Variants in UBR2 observed in about 807,000 individuals in gnomAD.
UBR2 encodes ubiquitin protein ligase E3 component n-recognin 2.
In UBR2, 92 loss-of-function variants were observed where a neutral mutation model predicts 247.9. That is an observed-to-expected ratio of 0.37 (90% CI 0.31 to 0.44). The LOEUF is 0.44. Among genes scored for constraint, UBR2 ranks in the 20% least tolerant of loss-of-function variants. The probability of loss-of-function intolerance (pLI) is 1.00; values close to 1 mark genes in which losing one functional copy is unlikely to be tolerated. For synonymous variants in UBR2, 672 were observed against 693.5 expected, an observed-to-expected ratio of 0.97 and a Z score of 0.49; for missense variants, 1,613 against 2,112.6, an observed-to-expected ratio of 0.76 and a Z score of 4.64.
At chr6:42,607,143 T>C (rs1203654440) in intron 7 of UBR2, among the ~76,000 whole-genome samples, 1 of 152,000 alleles carries the variant, frequency 6.6e-6, no homozygotes, top group Non-Finnish European at 1.5e-5. Context: ...AACTGAATTT[T>C]ATGTAAATAT....
chr6:42,573,303 A>G (rs1031602546), intron 1 of UBR2, among the ~76,000 whole-genome samples: 5 of 152,194 alleles, frequency 3.3e-5, no homozygotes, highest in African/African-American at 4.8e-5. Flanking sequence ...TTCACCGTAC[A>G]TATTGGCTGT....
At chr6:42,652,166 A>G (rs1797158337) in intron 24 of UBR2, 95 bp downstream of exon 24, 1 of 1,200,886 alleles carries the variant, frequency 8.3e-7, no homozygotes, top group African/African-American at 1.6e-5. Context: ...GGTGGAATGA[A>G]TATTTAAATG....
intron 44 of UBR2, among the ~76,000 whole-genome samples, chr6:42,687,821 G>A (rs180805299): frequency 2.0e-5 from 3 of 152,236 alleles, no homozygotes; most frequent in African/African-American, 4.8e-5. Context: ...GATTACAGGC[G>A]TGAGCCACTG....
intron 1 of UBR2, among the ~76,000 whole-genome samples, chr6:42,568,314 G>T (rs1790902857): frequency 6.6e-6 from 1 of 152,098 alleles, no homozygotes; most frequent in South Asian, 2.1e-4. Context: ...AACTCCTGAG[G>T]TCTAATCAAC....
intron 26 of UBR2, among the ~76,000 whole-genome samples, chr6:42,656,561 T>A (rs763268395): frequency 2.0e-5 from 3 of 152,228 alleles, no homozygotes; most frequent in Non-Finnish European, 4.4e-5. Context: ...TGTTTTTAAA[T>A]GAATTGATGG....
At position 42,606,559 on chromosome 6, in the gene UBR2, T is replaced by C. The variant is rs556615886; in HGVS notation, c.802-30T>C. ...AGTTATTAATATTGAATACAATACT[T>C]TTACAGCTTAATTTTAAATATCTTT... On this transcript the variant is annotated intron_variant, in intron 6 of 46. Transcript: ENST00000372901. 6.0e-5 allele frequency: 95 copies of C among 1,594,898 alleles called. 1 individual carries two copies. The East Asian group carries it at 9.7e-4, about 16-fold the overall frequency.
intron 2 of UBR2, among the ~76,000 whole-genome samples, chr6:42,591,804 A>G (rs1792680386): frequency 6.6e-6 from 1 of 152,230 alleles, no homozygotes. Context: ...GAATCTTAAG[A>G]ATTCATAAAT....
chr6:42,617,130 T>C, intron 10 of UBR2: 1 of 858,336 alleles, frequency 1.2e-6, no homozygotes, highest in Non-Finnish European at 1.9e-6. Context: ...CCAGTTATTG[T>C]TCTCATAGCA....
chr6:42,574,765 G>T lies in UBR2; in HGVS notation c.338+772G>T, dbSNP rs558290391. Among the ~76,000 whole-genome samples, 41 of 150,916 alleles carry T rather than the reference G, an allele frequency of 2.7e-4. No homozygotes were observed. In the South Asian group the frequency reaches 4.8e-3, roughly 18 times the overall value. ...GGCTGGAGTGCAGTGGCGCGATCTC[G>T]GCTCACTGCAACCTCCACCTGCCAG... On this transcript the variant is annotated intron_variant, in intron 2 of 46. Coordinates refer to ENST00000372901, the MANE Select transcript of UBR2 (RefSeq NM_001363705.2).
Position 42,652,560 on chromosome 6 carries a change from A to G in UBR2, c.2684A>G (p.Asp895Gly). Reference sequence around the variant, plus strand: ...AGCCTGGTTAACATTTTGCAGTCAGATGTCATGTTGTGCATCATGGGAACA... The same window carrying G: ...AGCCTGGTTAACATTTTGCAGTCAGGTGTCATGTTGTGCATCATGGGAACA... ...FASLVNILQS[D>G]VMLCIMGTIL... is the part of the protein sequence containing the mutation. The change falls in exon 25 of 47, where the codon GAT (aspartate) becomes GGT (glycine). Residue 895 changes from aspartate (D) to glycine (G), a missense_variant. Transcript: ENST00000372901. The G allele has an allele frequency of 3.1e-6, 5 of 1,613,684 alleles. No homozygotes were observed. The highest frequency in any genetic ancestry group is 4.2e-6 in the Non-Finnish European group (5 of 1,179,962).
chr6:42,588,946 T>C (rs1364100928), intron 2 of UBR2, among the ~76,000 whole-genome samples: 1 of 152,206 alleles, frequency 6.6e-6, no homozygotes, highest in African/African-American at 2.4e-5. Flanking sequence ...AATATTCCTC[T>C]TCTGCTGAGA....
chr6:42,613,475 ACT>A lies in UBR2; in HGVS notation c.985+1187_985+1188del, dbSNP rs1794221227. On this transcript the variant is annotated intron_variant, in intron 8 of 46. Coordinates refer to ENST00000372901, the MANE Select transcript of UBR2 (RefSeq NM_001363705.2). The stretch of plus-strand genomic sequence containing the variant: ...GGTGGCCCACTCCTCTAGTCATAAC[ACT>A]CTGGGAGGCTGTGGTGGGACGATCC... Among the ~76,000 whole-genome samples, 6 of 151,954 alleles carry A rather than the reference ACT, an allele frequency of 3.9e-5. No individual in the cohort carries two copies. In the South Asian group the frequency reaches 1.2e-3, roughly 32 times the overall value.
chr6:42,647,515 G>C, intron 21 of UBR2, among the ~76,000 whole-genome samples: 1 of 151,754 alleles, frequency 6.6e-6, no homozygotes. Context: ...AGAATTGCTT[G>C]GACCTGGAAG....
chr6:42,681,795 C>T (rs1159360347), intron 42 of UBR2, among the ~76,000 whole-genome samples: 1 of 152,210 alleles, frequency 6.6e-6, no homozygotes, highest in African/African-American at 2.4e-5. Context: ...CAATATTATA[C>T]ACCCACATTT....
At position 42,658,651 on chromosome 6, in the gene UBR2, A is replaced by G. The variant is rs1226210263; in HGVS notation, c.3069A>G (p.Ser1023=). ...TGAATGGAGCATAATTTCAGAGTTC[A>G]AGGGACAAAGACAAAGCTGAGAGGA... is the stretch of plus-strand genomic sequence containing the variant. ...ETEGTIMEES[S]RDKDKAERKR... Residue 1023 remains serine, a synonymous_variant, in exon 29 of 47, where the codon TCA becomes TCG. Transcript: ENST00000372901. 6.2e-7 allele frequency: 1 copy of G among 1,602,984 alleles called. No homozygotes were observed. Among genetic ancestry groups the G allele is most frequent in the Non-Finnish European group, 8.5e-7 (1 of 1,177,004 alleles).
intron 7 of UBR2, among the ~76,000 whole-genome samples, chr6:42,606,941 T>C (rs541710623): frequency 6.6e-6 from 1 of 152,254 alleles, no homozygotes; most frequent in South Asian, 2.1e-4. Flanking sequence ...AATTTTGTGT[T>C]ACTTCTTAGA....
chr6:42,637,232 C>A (rs765429903), intron 15 of UBR2, 38 bp downstream of exon 15: 27 of 1,580,408 alleles, frequency 1.7e-5, no homozygotes, highest in Non-Finnish European at 2.0e-5. Flanking sequence ...CTAAAATTAT[C>A]TTTTAAATTG....
intron 4 of UBR2, among the ~76,000 whole-genome samples, chr6:42,596,640 T>C (rs1053763150): frequency 3.9e-5 from 6 of 152,166 alleles, no homozygotes; most frequent in Non-Finnish European, 5.9e-5. Flanking sequence ...CAATGGAATA[T>C]TTTTCGTCCA....
Position 42,606,596 on chromosome 6 carries a change from G to A in UBR2, c.809G>A (p.Arg270Lys). 1 of 1,610,390 alleles carries A rather than the reference G, an allele frequency of 6.2e-7. No homozygotes were observed. Among genetic ancestry groups the A allele is most frequent in the Non-Finnish European group, 8.5e-7 (1 of 1,178,588 alleles). ...TTTTAAATATCTTTACAGGGGCGTA[G>A]GTCTGTTCGATATGGAGATTTTCAG... ...FATTVDRDGR[R>K]SVRYGDFQYC... The change falls in exon 7 of 47, where the codon AGG becomes AAG. Residue 270 changes from arginine (R) to lysine (K), a missense_variant. This residue lies in a region of UBR2 where 1,524 missense variants were observed against 1,967.3 expected (regional missense o/e 0.77). Coordinates refer to ENST00000372901, the MANE Select transcript of UBR2 (RefSeq NM_001363705.2).
Sources: allele counts gnomAD v4.1 joint callset (sites outside exome capture counted in the v4.1 genomes callset), GRCh38; gene constraint gnomAD v4.1.1; regional missense constraint gnomAD v4.1.1; transcripts MANE v1.5; gene names NCBI Gene and HGNC (gene_info 2026-07-23, HGNC 2026-07-21).